TEC: variants seen among roughly 807,000 people sequenced by gnomAD.
The protein encoded by TEC is tyrosine-protein kinase Tec.
TEC carries 72 observed loss-of-function variants against 93.0 expected under a neutral mutation model. The observed-to-expected ratio is 0.77, with a 90% CI of 0.64 to 0.94. The LOEUF is 0.94. Among genes scored for constraint, TEC ranks in the 40% least tolerant of loss-of-function variants. The pLI, the probability that TEC is intolerant of heterozygous loss-of-function variation, is 0.00. For missense variants in TEC, 630 were observed against 757.9 expected, an observed-to-expected ratio of 0.83 and a Z score of 1.98; for synonymous variants, 249 against 247.7, an observed-to-expected ratio of 1.01 and a Z score of -0.05.
intron 2 of TEC, among the ~76,000 whole-genome samples, chr4:48,216,893 A>G (rs1723099346): frequency 6.6e-6 from 1 of 152,246 alleles, no homozygotes; most frequent in Non-Finnish European, 1.5e-5. Flanking sequence ...TATCACAGCC[A>G]GATCAAAGAG....
chr4:48,159,630 C>G (rs1720545026), intron 8 of TEC, among the ~76,000 whole-genome samples: 1 of 150,816 alleles, frequency 6.6e-6, no homozygotes, highest in African/African-American at 2.4e-5. Flanking sequence ...ATCTTGGCAA[C>G]CTGCCCCTCC....
intron 1 of TEC, among the ~76,000 whole-genome samples, chr4:48,255,413 C>G (rs965527990): frequency 6.6e-6 from 1 of 152,146 alleles, no homozygotes; most frequent in African/African-American, 2.4e-5. Context: ...AGGGACTGCT[C>G]GGATTGGCCA....
At chr4:48,160,159 C>T (rs1238925895) in intron 8 of TEC, among the ~76,000 whole-genome samples, 1 of 152,138 alleles carries the variant, frequency 6.6e-6, no homozygotes, top group Non-Finnish European at 1.5e-5. Flanking sequence ...AACAGAGAAG[C>T]AAAATATATC....
In TEC at chr4:48,163,783, ATACTT is replaced by A; in HGVS notation, c.672-21_672-17del. 2 of 1,383,190 alleles carry A rather than the reference ATACTT, an allele frequency of 1.4e-6. No individual in the cohort carries two copies. 85.7% of individuals were successfully genotyped at this position (1,383,190 alleles called of 1,614,324 possible). A position where few individuals can be genotyped will look rare whatever the true frequency, so the allele number is the denominator to read the frequency against. On this transcript the variant is annotated splice_polypyrimidine_tract_variant and intron_variant, in intron 7 of 17. Transcript: ENST00000381501. ...TCCTTCATTCCTAGAAATAAGAAAAATACTTTAGGTAAACTTACTTTACTGGGAGG... is the reference window on the plus strand; with the variant it reads ...TCCTTCATTCCTAGAAATAAGAAAAATAGGTAAACTTACTTTACTGGGAGG...
intron 1 of TEC, among the ~76,000 whole-genome samples, chr4:48,264,324 G>T (rs1379361607): frequency 3.9e-5 from 6 of 152,198 alleles, no homozygotes; most frequent in Admixed American, 2.6e-4. Context: ...CCAGTTAGGT[G>T]ACTGCCCCTT....
At chr4:48,158,418 T>A (rs141825066) in intron 8 of TEC, among the ~76,000 whole-genome samples, 61 of 152,300 alleles carry the variant, frequency 4.0e-4, no homozygotes, top group Non-Finnish European at 6.5e-4. Flanking sequence ...ATTGCAGTTG[T>A]GATCAATACA....
At chr4:48,180,203 C>T (rs1321266169) in intron 2 of TEC, among the ~76,000 whole-genome samples, 1 of 152,128 alleles carries the variant, frequency 6.6e-6, no homozygotes, top group Non-Finnish European at 1.5e-5. Flanking sequence ...TACTTTTGCA[C>T]CAACCTAACA....
intron 2 of TEC, among the ~76,000 whole-genome samples, chr4:48,186,856 G>A (rs1721890929): frequency 6.6e-6 from 1 of 151,888 alleles, no homozygotes; most frequent in South Asian, 2.1e-4. Context: ...TGGGAGGTGG[G>A]GGGCGCCTCT....
At chr4:48,188,618 GTATGC>G in intron 2 of TEC, among the ~76,000 whole-genome samples, 1 of 152,028 alleles carries the variant, frequency 6.6e-6, no homozygotes, top group East Asian at 1.9e-4. Context: ...ATGTATGTAT[GTATGC>G]TATACATACA....
At chr4:48,253,828 G>GC (rs1467872723) in intron 1 of TEC, among the ~76,000 whole-genome samples, 1 of 151,746 alleles carries the variant, frequency 6.6e-6, no homozygotes. Flanking sequence ...ACCTGCCTAG[G>GC]CCCCCCCAAA....
intron 1 of TEC, among the ~76,000 whole-genome samples, chr4:48,239,861 T>A (rs1291919586): frequency 2.0e-5 from 3 of 152,138 alleles, no homozygotes; most frequent in Non-Finnish European, 2.9e-5. Flanking sequence ...GAGACAATTA[T>A]GGCAACTTGA....
intron 2 of TEC, among the ~76,000 whole-genome samples, chr4:48,223,980 T>C (rs1723350630): frequency 6.6e-6 from 1 of 152,234 alleles, no homozygotes. Flanking sequence ...TCTGGGACTC[T>C]ACTAGGATAA....
At chr4:48,264,455 T>G (rs1047293192) in intron 1 of TEC, among the ~76,000 whole-genome samples, 11 of 152,212 alleles carry the variant, frequency 7.2e-5, no homozygotes, top group African/African-American at 2.7e-4. Context: ...AGACTTCCAG[T>G]CTTCTTTTCC....
chr4:48,267,756 A>T (rs1724677659), intron 1 of TEC, among the ~76,000 whole-genome samples: 1 of 151,990 alleles, frequency 6.6e-6, no homozygotes, highest in African/African-American at 2.4e-5. Context: ...GAAGATCAAC[A>T]CTCATGCTGA....
chr4:48,266,669 C>T (rs1724643654), intron 1 of TEC, among the ~76,000 whole-genome samples: 1 of 152,110 alleles, frequency 6.6e-6, no homozygotes, highest in Non-Finnish European at 1.5e-5. Flanking sequence ...GAAACCCCAT[C>T]TCTACTAGAA....
intron 2 of TEC, among the ~76,000 whole-genome samples, chr4:48,196,339 G>A (rs1178216582): frequency 6.6e-6 from 1 of 152,194 alleles, no homozygotes; most frequent in East Asian, 1.9e-4. Context: ...TTGAATCTCA[G>A]CTCTGCTACT....
At chr4:48,254,012 C>G (rs996876170) in intron 1 of TEC, among the ~76,000 whole-genome samples, 6 of 152,196 alleles carry the variant, frequency 3.9e-5, no homozygotes, top group Non-Finnish European at 8.8e-5. Context: ...AGGCTCCTCC[C>G]TCTTTATCCA....
chr4:48,246,816 G>T (rs1724069326), intron 1 of TEC, among the ~76,000 whole-genome samples: 1 of 152,048 alleles, frequency 6.6e-6, no homozygotes, highest in African/African-American at 2.4e-5. Flanking sequence ...GAAAACATAG[G>T]TACAAATTTT....
chr4:48,263,748 C>A (rs1463443844), intron 1 of TEC, among the ~76,000 whole-genome samples: 1 of 152,124 alleles, frequency 6.6e-6, no homozygotes, highest in Non-Finnish European at 1.5e-5. Flanking sequence ...AACAAGGGCT[C>A]TATGCCAGTA....
Sources: allele counts gnomAD v4.1 joint callset (sites outside exome capture counted in the v4.1 genomes callset), GRCh38; gene constraint gnomAD v4.1.1; transcripts MANE v1.5; gene names NCBI Gene and HGNC (gene_info 2026-07-23, HGNC 2026-07-21).